Variants in SMYD3 observed in about 807,000 individuals in gnomAD.
The protein encoded by SMYD3 is SET and MYND domain containing 3.
In SMYD3, 36 loss-of-function variants were observed where a neutral mutation model predicts 57.7. The observed-to-expected ratio is 0.62, with a 90% CI of 0.48 to 0.82. The LOEUF is 0.82. SMYD3 is among the 40% of genes least tolerant of loss of function. The pLI, the probability that SMYD3 is intolerant of heterozygous loss-of-function variation, is 0.00. For synonymous variants in SMYD3, 211 were observed against 195.0 expected, an observed-to-expected ratio of 1.08 and a Z score of -0.68; for missense variants, 515 against 538.8, an observed-to-expected ratio of 0.96 and a Z score of 0.44.
chr1:246,023,038 T>G (rs1204181074), intron 5 of SMYD3, among the ~76,000 whole-genome samples: 2 of 152,174 alleles, frequency 1.3e-5, no homozygotes, highest in African/African-American at 2.4e-5. Context: ...ACCACCGAAC[T>G]TCTCTACCAA....
At chr1:246,158,181 G>A (rs548965145) in intron 5 of SMYD3, among the ~76,000 whole-genome samples, 32 of 152,320 alleles carry the variant, frequency 2.1e-4, no homozygotes, top group African/African-American at 7.7e-4. Context: ...CTACTTTAAG[G>A]TAAAAATAGA....
At chr1:246,279,315 G>A (rs544970817) in intron 5 of SMYD3, among the ~76,000 whole-genome samples, 1 of 152,316 alleles carries the variant, frequency 6.6e-6, no homozygotes, top group Admixed American at 6.5e-5. Context: ...GAGGTCAGGA[G>A]TTCCAGACCA....
intron 5 of SMYD3, among the ~76,000 whole-genome samples, chr1:246,209,291 T>C (rs2063050402): frequency 7.1e-6 from 1 of 141,838 alleles, no homozygotes. Flanking sequence ...AAGCCATCTA[T>C]AAGTCATTCA....
chr1:245,808,185 A>C (rs2148276173), intron 10 of SMYD3, among the ~76,000 whole-genome samples: 1 of 152,324 alleles, frequency 6.6e-6, no homozygotes, highest in South Asian at 2.1e-4. Context: ...TGGTACATTA[A>C]GCAGATAAAC....
At chr1:246,072,836 T>C (rs977786731) in intron 5 of SMYD3, among the ~76,000 whole-genome samples, 1 of 152,212 alleles carries the variant, frequency 6.6e-6, no homozygotes, top group African/African-American at 2.4e-5. Flanking sequence ...TAAGAAACAT[T>C]ATTCCAAGTA....
intron 5 of SMYD3, among the ~76,000 whole-genome samples, chr1:245,983,174 A>T (rs2058635344): frequency 6.6e-6 from 1 of 152,204 alleles, no homozygotes; most frequent in Admixed American, 6.5e-5. Context: ...ATTTTGTGGC[A>T]GCTTTCGGGA....
chr1:245,816,872 TC>T (rs1280785693), intron 10 of SMYD3, among the ~76,000 whole-genome samples: 3 of 148,500 alleles, frequency 2.0e-5, no homozygotes, highest in African/African-American at 4.8e-5. Flanking sequence ...CGAGATTATA[TC>T]CCGCATCTGG....
chr1:245,770,560 C>T (rs1456343634), intron 10 of SMYD3, among the ~76,000 whole-genome samples: 1 of 152,196 alleles, frequency 6.6e-6, no homozygotes, highest in African/African-American at 2.4e-5. Context: ...ATAACATCAT[C>T]CTCAGCCTCA....
At chr1:246,348,077 T>TATATATATATACAC in intron 2 of SMYD3, among the ~76,000 whole-genome samples, 9 of 86,406 alleles carry the variant, frequency 1.0e-4, no homozygotes, top group Admixed American at 6.8e-4. Context: ...TATATATATA[T>TATATATATATACAC]ACACACACAC....
chr1:246,461,690 C>T (rs534889476), intron 1 of SMYD3, among the ~76,000 whole-genome samples: 18 of 147,414 alleles, frequency 1.2e-4, no homozygotes, highest in African/African-American at 2.3e-4. Context: ...GCCAAGATTG[C>T]GCCACTGCAC....
chr1:245,914,102 AGGAG>A, intron 8 of SMYD3, among the ~76,000 whole-genome samples: 1 of 152,334 alleles, frequency 6.6e-6, no homozygotes, highest in African/African-American at 2.4e-5. Flanking sequence ...AATTTAACCA[AGGAG>A]GTGAAAGGCC....
chr1:246,139,677 TA>T (rs770750184), intron 5 of SMYD3, among the ~76,000 whole-genome samples: 1 of 152,238 alleles, frequency 6.6e-6, no homozygotes, highest in Non-Finnish European at 1.5e-5. Flanking sequence ...TGATATGTGC[TA>T]ATATTACACA....
At chr1:246,366,952 A>T (rs1408119298) in intron 1 of SMYD3, among the ~76,000 whole-genome samples, 2 of 148,852 alleles carry the variant, frequency 1.3e-5, no homozygotes, top group African/African-American at 2.5e-5. Flanking sequence ...AAAAAAAAAA[A>T]TCACCACATG....
chr1:245,782,480 C>A (rs74156632), intron 10 of SMYD3, among the ~76,000 whole-genome samples: 1 of 152,152 alleles, frequency 6.6e-6, no homozygotes, highest in African/African-American at 2.4e-5. Flanking sequence ...ATTCAAACAC[C>A]TGACGGCATG....
At chr1:246,297,722 TC>T (rs530516690) in intron 5 of SMYD3, among the ~76,000 whole-genome samples, 1 of 152,168 alleles carries the variant, frequency 6.6e-6, no homozygotes, top group Non-Finnish European at 1.5e-5. Context: ...TACCAGAGAT[TC>T]ACTGTATTGA....
At chr1:245,839,323 CAG>C in intron 10 of SMYD3, among the ~76,000 whole-genome samples, 1 of 152,254 alleles carries the variant, frequency 6.6e-6, no homozygotes, top group South Asian at 2.1e-4. Flanking sequence ...GTGCCTGCCA[CAG>C]CGCCCAGCTA....
At chr1:246,253,735 A>C (rs1558352042) in intron 5 of SMYD3, among the ~76,000 whole-genome samples, 1 of 152,174 alleles carries the variant, frequency 6.6e-6, no homozygotes, top group Non-Finnish European at 1.5e-5. Context: ...ATGAGACTGG[A>C]TTCATTATTT....
At position 245,977,047 on chromosome 1, in the gene SMYD3, C is replaced by CTAGCCTAGGGAAAGCCAT. The variant is rs1491340831; in HGVS notation, c.532-47111_532-47110insATGGCTTTCCCTAGGCTA. On this transcript the variant is annotated intron_variant, in intron 5 of 11. Transcript: ENST00000490107. ...TCTAGCCCAGGGAAAGCCATCGTCTCCGGCCCAGGGAAAGCCATCGTCTCT... is the reference window on the plus strand; with the variant it reads ...TCTAGCCCAGGGAAAGCCATCGTCTCTAGCCTAGGGAAAGCCATCGGCCCAGGGAAAGCCATCGTCTCT... Among the ~76,000 whole-genome samples the CTAGCCTAGGGAAAGCCAT allele has an allele frequency of 1.5e-4, 17 of 113,084 alleles. 6 individuals are homozygous for CTAGCCTAGGGAAAGCCAT. Among genetic ancestry groups the CTAGCCTAGGGAAAGCCAT allele is most frequent in the Non-Finnish European group, 1.8e-4 (9 of 51,244 alleles). 74.2% of individuals were successfully genotyped at this position (113,084 alleles called of 152,430 possible). A position where few individuals can be genotyped will look rare whatever the true frequency, so the allele number is the denominator to read the frequency against.
intron 10 of SMYD3, among the ~76,000 whole-genome samples, chr1:245,849,289 T>C (rs2050829547): frequency 6.6e-6 from 1 of 152,148 alleles, no homozygotes; most frequent in Non-Finnish European, 1.5e-5. Context: ...AGCTTGAGTG[T>C]TAAAAGAGGG....
Sources: allele counts gnomAD v4.1 joint callset (sites outside exome capture counted in the v4.1 genomes callset), GRCh38; gene constraint gnomAD v4.1.1; transcripts MANE v1.5; gene names NCBI Gene and HGNC (gene_info 2026-07-23, HGNC 2026-07-21).